MSH4: variants seen among roughly 807,000 people sequenced by gnomAD.
The protein encoded by MSH4 is mutS protein homolog 4.
A neutral mutation model predicts 113.7 loss-of-function variants in MSH4; 106 were observed. The ratio of observed to expected loss-of-function variants is 0.93; its 90% CI spans 0.80 to 1.10. The LOEUF is 1.10. MSH4 is among the 50% of genes least tolerant of loss of function. The pLI, the probability that MSH4 is intolerant of heterozygous loss-of-function variation, is 0.00. For missense variants in MSH4, 1,061 were observed against 1,093.7 expected, an observed-to-expected ratio of 0.97 and a Z score of 0.42; for synonymous variants, 368 against 380.2, an observed-to-expected ratio of 0.97 and a Z score of 0.37.
At chr1:75,829,040 G>A (rs1388805244) in intron 7 of MSH4, among the ~76,000 whole-genome samples, 1 of 152,106 alleles carries the variant, frequency 6.6e-6, no homozygotes, top group Non-Finnish European at 1.5e-5. Flanking sequence ...CCCAGCAAAG[G>A]GAAGCCATGA....
chr1:75,870,901 T>G (rs12401729), intron 9 of MSH4, among the ~76,000 whole-genome samples: 11,099 of 152,172 alleles, frequency 0.073, 709 homozygotes, highest in East Asian at 0.27. Flanking sequence ...AGAGATTTCA[T>G]GAAACACAAA....
intron 19 of MSH4, among the ~76,000 whole-genome samples, chr1:75,909,031 C>A (rs1378728564): frequency 6.6e-6 from 1 of 152,196 alleles, no homozygotes; most frequent in Non-Finnish European, 1.5e-5. Context: ...GTTTTACAGG[C>A]TGGAGTTTCT....
intron 8 of MSH4, among the ~76,000 whole-genome samples, chr1:75,858,425 G>A (rs1316805577): frequency 6.6e-6 from 1 of 152,074 alleles, no homozygotes; most frequent in African/African-American, 2.4e-5. Context: ...CTCTTATTAT[G>A]TTGAGATACA....
chr1:75,843,757 G>A (rs919566414), intron 7 of MSH4, among the ~76,000 whole-genome samples: 1 of 151,764 alleles, frequency 6.6e-6, no homozygotes, highest in South Asian at 2.1e-4. Flanking sequence ...ACTATCAAAA[G>A]ACACCTGACA....
chr1:75,901,243 A>G (rs1652499331), intron 19 of MSH4, among the ~76,000 whole-genome samples: 1 of 152,160 alleles, frequency 6.6e-6, no homozygotes, highest in African/African-American at 2.4e-5. Context: ...GAACTATCGT[A>G]CACTAGACTA....
chr1:75,816,882 C>T (rs189975629), intron 6 of MSH4, among the ~76,000 whole-genome samples: 116 of 152,294 alleles, frequency 7.6e-4, no homozygotes, highest in African/African-American at 2.6e-3. Flanking sequence ...CTGCCTCAGC[C>T]TCCCAAAGTG....
chr1:75,811,166 G>A (rs538092093), intron 4 of MSH4, among the ~76,000 whole-genome samples: 1 of 152,156 alleles, frequency 6.6e-6, no homozygotes, highest in South Asian at 2.1e-4. Context: ...GTGAGTCACT[G>A]TGCCCGGCCC....
chr1:75,839,564 G>A (rs1359894314), intron 7 of MSH4, among the ~76,000 whole-genome samples: 1 of 152,074 alleles, frequency 6.6e-6, no homozygotes, highest in Non-Finnish European at 1.5e-5. Context: ...GAGCAGCAGG[G>A]CATAGGGCAG....
chr1:75,813,867 A>T (rs188144220), intron 4 of MSH4, among the ~76,000 whole-genome samples: 14 of 152,200 alleles, frequency 9.2e-5, no homozygotes, highest in African/African-American at 3.1e-4. Context: ...ACAGACCTGC[A>T]TTAAATCAAA....
chr1:75,867,901 AAT>A (rs1445063164), intron 9 of MSH4, among the ~76,000 whole-genome samples: 1 of 152,138 alleles, frequency 6.6e-6, no homozygotes, highest in African/African-American at 2.4e-5. Flanking sequence ...ATACTGATGC[AAT>A]ACTATTTTAT....
chr1:75,811,689 C>T (rs958328955), intron 4 of MSH4, among the ~76,000 whole-genome samples: 3 of 152,146 alleles, frequency 2.0e-5, no homozygotes, highest in African/African-American at 7.2e-5. Context: ...GGCTGTGGCT[C>T]CAAACCAAGT....
At chr1:75,904,239 T>C (rs1264830446) in intron 19 of MSH4, among the ~76,000 whole-genome samples, 1 of 152,148 alleles carries the variant, frequency 6.6e-6, no homozygotes, top group African/African-American at 2.4e-5. Flanking sequence ...TGAATGATCT[T>C]TTCAGTGTGT....
intron 8 of MSH4, among the ~76,000 whole-genome samples, chr1:75,859,452 G>A (rs1335575073): frequency 1.3e-5 from 2 of 152,108 alleles, no homozygotes; most frequent in Non-Finnish European, 2.9e-5. Flanking sequence ...AGAGATTCTG[G>A]TACGTTGTGT....
intron 14 of MSH4, among the ~76,000 whole-genome samples, 170 bp from the exon 15 acceptor site, chr1:75,883,451 A>G (rs1320749429): frequency 2.6e-5 from 4 of 152,046 alleles, no homozygotes; most frequent in Non-Finnish European, 5.9e-5. Context: ...TGTGTCCATT[A>G]TAATTTAGAA....
At chr1:75,863,380 A>T (rs985818754) in intron 8 of MSH4, among the ~76,000 whole-genome samples, 1 of 152,196 alleles carries the variant, frequency 6.6e-6, no homozygotes, top group South Asian at 2.1e-4. Context: ...AGTTTCATAG[A>T]TGCTGACAGA....
intron 7 of MSH4, among the ~76,000 whole-genome samples, chr1:75,827,807 C>T (rs1359005280): frequency 6.6e-6 from 1 of 152,084 alleles, no homozygotes; most frequent in Non-Finnish European, 1.5e-5. Context: ...GAAGAGCTAA[C>T]TATCCTAAAT....
intron 8 of MSH4, among the ~76,000 whole-genome samples, chr1:75,850,784 A>G (rs967479927): frequency 1.3e-5 from 2 of 152,022 alleles, no homozygotes; most frequent in African/African-American, 2.4e-5. Flanking sequence ...GAGTGTCAAA[A>G]TCTCCAAATG....
At chr1:75,808,195 C>A (rs1375645727) in intron 3 of MSH4, among the ~76,000 whole-genome samples, 3 of 152,014 alleles carry the variant, frequency 2.0e-5, no homozygotes, top group Non-Finnish European at 4.4e-5. Context: ...TTAGGTTGTC[C>A]CTGGTGGTAT....
rs371232695 is a variant in MSH4, at chr1:75,815,036, A to C, written c.715A>C (p.Thr239Pro). ...TENFKNVNFT[T>P]IQRKYFNETK... ...TTCTTTTCAGAATGTTAATTTCACT[A>C]CTATCCAAAGGAAATACTTCAATGA... The change falls in exon 5 of 20, where the codon ACT becomes CCT. Residue 239 changes from threonine (T) to proline (P), a missense_variant. Thr to Pro is a conservative substitution (Grantham distance 38). Transcript: ENST00000263187. 6.3e-7 allele frequency: 1 copy of C among 1,584,740 alleles called. No individual in the cohort carries two copies.
Sources: allele counts gnomAD v4.1 joint callset (sites outside exome capture counted in the v4.1 genomes callset), GRCh38; gene constraint gnomAD v4.1.1; transcripts MANE v1.5; gene names NCBI Gene and HGNC (gene_info 2026-07-23, HGNC 2026-07-21).